Variants in GSE1 observed in about 807,000 individuals in gnomAD.
GSE1 encodes genetic suppressor element 1.
A neutral mutation model predicts 112.6 loss-of-function variants in GSE1; 32 were observed. The observed-to-expected ratio is 0.28, with a 90% CI of 0.21 to 0.38. GSE1 has a LOEUF of 0.38. Ranked by LOEUF, GSE1 falls within the 10% of genes least tolerant of loss-of-function variation. The pLI, the probability that GSE1 is intolerant of heterozygous loss-of-function variation, is 1.00. For missense variants in GSE1, 2,348 were observed against 1,699.2 expected (o/e 1.38, Z -6.71); for synonymous variants, 1,115 against 735.6 (o/e 1.52, Z -8.35).
chr16:85,672,600 G>A lies in GSE1; in HGVS notation c.*61G>A, dbSNP rs2053442050. On this transcript the variant is annotated 3_prime_UTR_variant, in exon 16 of 16. Transcript: ENST00000253458. ...GAAATATTATCTATTTTATTACCTT[G>A]AATATTTAATATTTTTCACTGGGAG... is the stretch of plus-strand genomic sequence containing the variant. 8.5e-7 allele frequency: 1 copy of A among 1,180,810 alleles called. No individual in the cohort carries two copies. The highest frequency in any genetic ancestry group is 2.7e-5 in the East Asian group (1 of 37,352). The allele number at this position is 1,180,810 out of a possible 1,614,324, so 73.1% of individuals were successfully genotyped here. A position where few individuals can be genotyped will look rare whatever the true frequency, so the allele number is the denominator to read the frequency against.
intron 4 of GSE1, 80 bp from the exon 5 acceptor site, chr16:85,654,714 C>G (rs1386540337): frequency 1.1e-6 from 1 of 887,964 alleles, no homozygotes; most frequent in Admixed American, 2.0e-5. Context: ...AGGGGTGATG[C>G]AGGGAGTTTA....
At chr16:85,655,023 G>A (rs2051798099) in intron 5 of GSE1, 32 bp downstream of exon 5, 2 of 1,369,142 alleles carry the variant, frequency 1.5e-6, no homozygotes, top group African/African-American at 1.4e-5. Flanking sequence ...CTCTCGTCTA[G>A]GTGCTGGCCT....
chr16:85,327,283 G>T (rs537116952), intron 1 of GSE1, among the ~76,000 whole-genome samples: 3 of 152,168 alleles, frequency 2.0e-5, no homozygotes, highest in Non-Finnish European at 4.4e-5. Context: ...CCTCCTGCCC[G>T]GGTCCAAGGG....
exon 1 of GSE1, chr16:85,169,696 G>T (rs2073329433): frequency 2.0e-6 from 2 of 983,482 alleles, no homozygotes; most frequent in South Asian, 9.4e-5. Context: ...GGGGACCCCG[G>T]CGCAGCCCTT....
intron 2 of GSE1, among the ~76,000 whole-genome samples, chr16:85,491,780 G>C (rs1389922627): frequency 6.6e-6 from 1 of 152,186 alleles, no homozygotes; most frequent in Non-Finnish European, 1.5e-5. Flanking sequence ...GAGAGGGGCA[G>C]AGTGGGGGTG....
intron 1 of GSE1, among the ~76,000 whole-genome samples, chr16:85,232,455 G>C (rs967002130): frequency 3.3e-5 from 5 of 152,214 alleles, no homozygotes; most frequent in African/African-American, 1.2e-4. Context: ...GGTGTGGACA[G>C]GCTGTGAGTG....
At chr16:85,534,657 C>T (rs990806977) in intron 2 of GSE1, among the ~76,000 whole-genome samples, 3 of 152,114 alleles carry the variant, frequency 2.0e-5, no homozygotes, top group Non-Finnish European at 4.4e-5. Context: ...GCCTCTTGGC[C>T]GCTGCTGGTC....
chr16:85,533,512 CAA>C (rs960472898), intron 2 of GSE1, among the ~76,000 whole-genome samples: 2 of 152,040 alleles, frequency 1.3e-5, no homozygotes, highest in Non-Finnish European at 2.9e-5. Context: ...AAAAATGACT[CAA>C]ATAAATATGC....
intron 1 of GSE1, among the ~76,000 whole-genome samples, chr16:85,347,789 T>TCA (rs2046773736): frequency 2.6e-5 from 1 of 39,026 alleles, no homozygotes; most frequent in African/African-American, 6.8e-5. Flanking sequence ...GCAAAAGCCA[T>TCA]CTTTGCCACA....
intron 15 of GSE1, 106 bp from the exon 16 acceptor site, chr16:85,672,299 C>T (rs1460632703): frequency 1.2e-6 from 1 of 841,474 alleles, no homozygotes; most frequent in Non-Finnish European, 1.9e-6. Context: ...CCGGCCGGGA[C>T]ATTTTCAAAT....
chr16:85,494,257 C>T (rs1378056409), intron 2 of GSE1, among the ~76,000 whole-genome samples: 1 of 152,232 alleles, frequency 6.6e-6, no homozygotes, highest in Non-Finnish European at 1.5e-5. Context: ...CTGCGCCTCC[C>T]AACTTCTGGT....
chr16:85,656,494 C>G lies in GSE1; in HGVS notation c.1141C>G (p.Arg381Gly). The G allele has an allele frequency of 1.3e-6, 2 of 1,543,686 alleles. No homozygotes were observed. The highest frequency in any genetic ancestry group is 1.8e-6 in the Non-Finnish European group (2 of 1,141,600). ...GAAGGAGCGTGAGCGTGAGAAGGAG[C>G]GCGAGCGCGAGCTGGAGCGCCAGCG... ...QEKEREREKE[R>G]ERELERQREQ... Residue 381 changes from arginine (R) to glycine (G), a missense_variant, in exon 7 of 16, where the codon CGC becomes GGC. Physicochemically the swap from Arg to Gly is moderately radical, Grantham distance 125. Coordinates refer to ENST00000253458, the MANE Select transcript of GSE1 (RefSeq NM_014615.5).
rs776139377 is a variant in GSE1 at position 85,331,617 on chromosome 16, GTGTGTATATA to G, written c.2284-25830_2284-25821del. Among the ~76,000 whole-genome samples the G allele has an allele frequency of 6.3e-4, 51 of 80,518 alleles. 1 individual carries two copies. Among genetic ancestry groups the G allele is most frequent in the Non-Finnish European group, 9.3e-4 (31 of 33,204 alleles). The allele number at this position is 80,518 out of a possible 152,430, so 52.8% of individuals were successfully genotyped here. A position where few individuals can be genotyped will look rare whatever the true frequency, so the allele number is the denominator to read the frequency against. ...TGTATATGTGTATTTGTGTATATAT[GTGTGTATATA>G]TGTGTATATATGTGTGTATATATAT... On this transcript the variant is annotated intron_variant, in intron 1 of 2. Transcript: ENST00000637419.
At chr16:85,653,172 C>A in intron 3 of GSE1, among the ~76,000 whole-genome samples, 1 of 120,648 alleles carries the variant, frequency 8.3e-6, no homozygotes, top group Non-Finnish European at 1.8e-5. Flanking sequence ...TCTGGGCCGC[C>A]CTGAGGCTCC....
At chr16:85,346,392 A>G (rs1449044156) in intron 1 of GSE1, among the ~76,000 whole-genome samples, 4 of 142,798 alleles carry the variant, frequency 2.8e-5, no homozygotes, top group African/African-American at 1.1e-4. Context: ...TGGATGATGG[A>G]TGGATGGATG....
intron 2 of GSE1, among the ~76,000 whole-genome samples, chr16:85,391,369 G>A (rs1002615924): frequency 5.3e-5 from 8 of 152,198 alleles, no homozygotes; most frequent in African/African-American, 1.9e-4. Flanking sequence ...TGCGGCTGCC[G>A]TAACAAAGTA....
chr16:85,646,895 G>C lies in GSE1; in HGVS notation c.227-1657G>C, dbSNP rs187678269. On this transcript the variant is annotated intron_variant, in intron 2 of 15. Transcript: ENST00000253458. ...CGGGGGCTTGATCCCCACAACAAGGGGGGGGGTGGGGGCTCCGGAAGCGAG... is the reference window on the plus strand; with the variant it reads ...CGGGGGCTTGATCCCCACAACAAGGCGGGGGGTGGGGGCTCCGGAAGCGAG... Among the ~76,000 whole-genome samples, 5 of 151,916 alleles carry C rather than the reference G, an allele frequency of 3.3e-5. No homozygotes were observed. The East Asian group carries it at 5.8e-4, about 18-fold the overall frequency.
At chr16:85,462,950 C>A (rs867409493) in intron 2 of GSE1, 29 of 205,088 alleles carry the variant, frequency 1.4e-4, no homozygotes, top group Middle Eastern at 2.4e-3. Context: ...GGGCTCCATC[C>A]CCGTCTCCCC....
chr16:85,666,137 G>A lies in GSE1; in HGVS notation c.2920G>A (p.Ala974Thr), dbSNP rs771660900. The A allele has an allele frequency of 8.1e-6, 13 of 1,613,202 alleles. No individual in the cohort carries two copies. The highest frequency in any genetic ancestry group is 9.3e-6 in the Non-Finnish European group (11 of 1,179,984). ...QELAPASGEK[A>T]RLSEAPGGKK... ...GCTAGCTCCTGCCAGCGGGGAGAAG[G>A]CCAGGCTGAGCGAGGCCCCTGGAGG... The change falls in exon 13 of 16, where the codon GCC becomes ACC. Residue 974 changes from alanine to threonine, a missense_variant. Ala to Thr is a moderately conservative substitution (Grantham distance 58, BLOSUM62 0). Transcript: ENST00000253458.
Sources: gnomAD v4.1 joint callset for allele counts (sites outside exome capture counted in the v4.1 genomes callset) on GRCh38, gnomAD v4.1.1 for gene constraint, MANE v1.5 for transcripts, NCBI Gene and HGNC (gene_info 2026-07-23, HGNC 2026-07-21) for gene names.